Variants in OPCML observed in about 807,000 individuals in gnomAD.
OPCML encodes opioid-binding protein/cell adhesion molecule.
Under a neutral mutation model 37.8 loss-of-function variants are expected in OPCML, and 13 were observed. The ratio of observed to expected loss-of-function variants is 0.34; its 90% CI spans 0.22 to 0.55. The LOEUF is 0.55. OPCML is among the 20% of genes least tolerant of loss of function. The pLI, the probability that OPCML is intolerant of heterozygous loss-of-function variation, is 0.91. For synonymous variants in OPCML, 176 were observed against 168.8 expected (o/e 1.04, Z -0.33); for missense variants, 341 against 435.6 (o/e 0.78, Z 1.93).
chr11:132,427,873 G>T (rs2095982922), intron 7 of OPCML, among the ~76,000 whole-genome samples: 1 of 152,154 alleles, frequency 6.6e-6, no homozygotes, highest in Non-Finnish European at 1.5e-5. Flanking sequence ...AATGTCTGCA[G>T]TTTTTTTCTA....
chr11:133,101,004 A>T (rs1397191108), intron 1 of OPCML, among the ~76,000 whole-genome samples: 4 of 152,088 alleles, frequency 2.6e-5, no homozygotes, highest in Non-Finnish European at 5.9e-5. Flanking sequence ...GGCTCACTGC[A>T]ACCTCCGCCT....
chr11:132,515,884 G>T (rs2096278630), intron 4 of OPCML, among the ~76,000 whole-genome samples: 3 of 152,170 alleles, frequency 2.0e-5, no homozygotes, highest in South Asian at 4.1e-4. Context: ...AAAAGAGCCT[G>T]CAGAGACAGG....
chr11:133,162,511 G>T (rs902805875), intron 1 of OPCML, among the ~76,000 whole-genome samples: 14 of 152,214 alleles, frequency 9.2e-5, no homozygotes, highest in African/African-American at 2.9e-4. Context: ...TTCCCGTCAT[G>T]TCAGTGCTGG....
intron 4 of OPCML, among the ~76,000 whole-genome samples, chr11:132,480,549 C>G (rs1373545091): frequency 6.6e-6 from 1 of 152,110 alleles, no homozygotes; most frequent in Admixed American, 6.5e-5. Flanking sequence ...AGAAGAGCAA[C>G]TCCAAGACAC....
At chr11:132,536,462 GAGATT>G (rs1489309078) in intron 3 of OPCML, among the ~76,000 whole-genome samples, 16 of 152,116 alleles carry the variant, frequency 1.1e-4, no homozygotes, top group Admixed American at 6.5e-5. Context: ...CAGAGATATG[GAGATT>G]AGATTAGTGA....
rs1939015265 is a variant in OPCML at position 133,205,284 on chromosome 11, G to C, written c.62-262274C>G. ...CTTGAGGGTGGTGCTCTGGAAGAGGGCCTGGAAGCTCTACACCCCTCCCCG... is the reference window on the plus strand; with the variant it reads ...CTTGAGGGTGGTGCTCTGGAAGAGGCCCTGGAAGCTCTACACCCCTCCCCG... On this transcript the variant is annotated intron_variant, in intron 1 of 7. Transcript: ENST00000524381. The surrounding 1 kb of genome is among the most constrained non-coding windows in gnomAD (Gnocchi z 4.8). 1.3e-5 allele frequency among the ~76,000 whole-genome samples: 2 copies of C among 151,826 alleles called. No individual in the cohort carries two copies. The highest frequency in any genetic ancestry group is 1.3e-4 in the Admixed American group (2 of 15,266).
intron 1 of OPCML, chr11:133,026,114 G>T (rs1232916355): frequency 3.3e-5 from 32 of 983,034 alleles, no homozygotes; most frequent in Non-Finnish European, 3.9e-5. Context: ...CAAGTTTTCT[G>T]TTGCACATAA....
chr11:132,570,777 A>ATATATATATATATATATT (rs2096435690), intron 3 of OPCML, among the ~76,000 whole-genome samples: 2 of 114,862 alleles, frequency 1.7e-5, no homozygotes, highest in African/African-American at 6.8e-5. Context: ...ATATATATAT[A>ATATATATATATATATATT]TATATATATA....
At chr11:133,349,978 G>T (rs530328293) in intron 1 of OPCML, among the ~76,000 whole-genome samples, 1 of 152,166 alleles carries the variant, frequency 6.6e-6, no homozygotes, top group Non-Finnish European at 1.5e-5. Flanking sequence ...TCTGCTCAGC[G>T]TTGGAACAGA....
intron 1 of OPCML, among the ~76,000 whole-genome samples, chr11:133,220,144 G>A (rs1939755719): frequency 6.6e-6 from 1 of 152,186 alleles, no homozygotes; most frequent in African/African-American, 2.4e-5. Flanking sequence ...TGGCAGTGGA[G>A]GTTGGTACTT....
chr11:133,532,245 C>G lies in OPCML; in HGVS notation c.61+19G>C. The stretch of plus-strand genomic sequence containing the variant: ...ACAATCACCCCAGGGAGAGAAAACA[C>G]CCTTCCCCTGTACGGTACCTGGGAT... On this transcript the variant is annotated intron_variant, in intron 1 of 7. Transcript: ENST00000524381. 6.2e-7 allele frequency: 1 copy of G among 1,613,138 alleles called. No homozygotes were observed. Among genetic ancestry groups the G allele is most frequent in the Non-Finnish European group, 8.5e-7 (1 of 1,179,598 alleles).
chr11:133,428,307 G>A (rs879514923), intron 1 of OPCML, among the ~76,000 whole-genome samples: 4 of 152,084 alleles, frequency 2.6e-5, no homozygotes, highest in Non-Finnish European at 5.9e-5. Context: ...TAAACCAGCA[G>A]CGTGAACAAG....
chr11:133,120,956 T>C (rs1241258508), intron 1 of OPCML, among the ~76,000 whole-genome samples: 1 of 152,172 alleles, frequency 6.6e-6, no homozygotes, highest in African/African-American at 2.4e-5. Context: ...GGAATCTTGC[T>C]CTGTCGCCCA....
chr11:133,508,327 G>T (rs2120597818), intron 1 of OPCML, among the ~76,000 whole-genome samples: 1 of 152,298 alleles, frequency 6.6e-6, no homozygotes, highest in East Asian at 1.9e-4. Flanking sequence ...TTTCCATACT[G>T]CTGGTCTAGG....
intron 1 of OPCML, among the ~76,000 whole-genome samples, chr11:133,391,975 C>T (rs1282450801): frequency 1.3e-5 from 2 of 151,636 alleles, no homozygotes; most frequent in African/African-American, 4.8e-5. Flanking sequence ...TAACCCAGTG[C>T]CAAAGTCCAT....
At chr11:132,665,227 T>C (rs1942167537) in intron 2 of OPCML, among the ~76,000 whole-genome samples, 2 of 152,172 alleles carry the variant, frequency 1.3e-5, no homozygotes, top group Non-Finnish European at 1.5e-5. Flanking sequence ...CAGGCTTTCC[T>C]GAAAACAGCA....
rs140414751 is a variant in OPCML, at chr11:133,507,084, C to A, written c.61+25180G>T. Among the ~76,000 whole-genome samples the A allele has an allele frequency of 5.0e-3, 757 of 152,340 alleles. 11 individuals are homozygous for A. The highest frequency in any genetic ancestry group is 0.017 in the African/African-American group (726 of 41,578). On this transcript the variant is annotated intron_variant, in intron 1 of 7. Transcript: ENST00000524381. ...TTAAAGTGTGTCTATTTCTCCCTTG[C>A]TCCATAAATGAGGATCAAAACAGAG... is the stretch of plus-strand genomic sequence containing the variant.
intron 2 of OPCML, among the ~76,000 whole-genome samples, chr11:132,725,396 G>A (rs543217090): frequency 2.0e-5 from 3 of 152,166 alleles, no homozygotes; most frequent in Non-Finnish European, 2.9e-5. Flanking sequence ...CAGCAGGGGG[G>A]GCCCTGGGCC....
chr11:133,135,817 C>A (rs937997818), intron 1 of OPCML, among the ~76,000 whole-genome samples: 3 of 152,096 alleles, frequency 2.0e-5, no homozygotes, highest in African/African-American at 7.2e-5. Context: ...ATAGCGGAAC[C>A]AAAAGTAGGC....
Sources: allele counts gnomAD v4.1 joint callset (sites outside exome capture counted in the v4.1 genomes callset), GRCh38; gene constraint gnomAD v4.1.1; non-coding constraint Gnocchi (gnomAD v3.1); transcripts MANE v1.5; gene names NCBI Gene and HGNC (gene_info 2026-07-23, HGNC 2026-07-21).